The following CDC14B variants were observed in gnomAD, a reference collection of about 807,000 sequenced individuals.
CDC14B encodes the protein dual specificity protein phosphatase CDC14B.
A neutral mutation model predicts 64.2 loss-of-function variants in CDC14B; 22 were observed. The observed-to-expected ratio is 0.34, with a 90% CI of 0.24 to 0.49. CDC14B has a LOEUF of 0.49. Ranked by LOEUF, CDC14B falls within the 20% of genes least tolerant of loss-of-function variation. The pLI is 0.99. For missense variants in CDC14B, 498 were observed against 629.9 expected, an observed-to-expected ratio of 0.79 and a Z score of 2.24; for synonymous variants, 191 against 215.8, an observed-to-expected ratio of 0.89 and a Z score of 1.01.
intron 1 of CDC14B, among the ~76,000 whole-genome samples, chr9:96,592,664 T>G (rs1056265959): frequency 6.6e-6 from 1 of 152,050 alleles, no homozygotes; most frequent in Non-Finnish European, 1.5e-5. Context: ...TCCCAGCTAC[T>G]CAGGAGGCTG....
intron 4 of CDC14B, among the ~76,000 whole-genome samples, chr9:96,560,414 G>T (rs1241598104): frequency 6.6e-6 from 1 of 152,074 alleles, no homozygotes; most frequent in African/African-American, 2.4e-5. Context: ...TGAATCTCAA[G>T]AATTCTGGCT....
intron 4 of CDC14B, among the ~76,000 whole-genome samples, chr9:96,554,491 T>C (rs1241458257): frequency 6.6e-6 from 1 of 152,208 alleles, no homozygotes; most frequent in Non-Finnish European, 1.5e-5. Flanking sequence ...GGACTGTGGT[T>C]TAGCCTTGGA....
intron 1 of CDC14B, among the ~76,000 whole-genome samples, chr9:96,610,649 CAAAA>C (rs58120277): frequency 0.12 from 15,944 of 131,688 alleles, 975 homozygotes; most frequent in East Asian, 0.29. Flanking sequence ...TAAATGACCA[CAAAA>C]AAAAAAAAAC....
chr9:96,606,982 G>A (rs1846988836), intron 1 of CDC14B, among the ~76,000 whole-genome samples: 1 of 151,484 alleles, frequency 6.6e-6, no homozygotes, highest in Non-Finnish European at 1.5e-5. Context: ...TGCTATGATT[G>A]TGTCACTGCA....
chr9:96,593,915 T>C (rs1279042131), intron 1 of CDC14B, among the ~76,000 whole-genome samples: 2 of 152,230 alleles, frequency 1.3e-5, no homozygotes, highest in Non-Finnish European at 2.9e-5. Flanking sequence ...AAAGATAAAG[T>C]AACTCTCACC....
chr9:96,595,055 G>A (rs1277128150), intron 1 of CDC14B, among the ~76,000 whole-genome samples: 1 of 152,068 alleles, frequency 6.6e-6, no homozygotes, highest in Non-Finnish European at 1.5e-5. Context: ...GGAGGCTGAG[G>A]CAGAAGAATT....
intron 1 of CDC14B, among the ~76,000 whole-genome samples, chr9:96,580,758 A>C (rs1029015415): frequency 1.3e-5 from 2 of 152,206 alleles, no homozygotes; most frequent in Non-Finnish European, 2.9e-5. Flanking sequence ...TTAATATGGG[A>C]ATAATTAAAC....
intron 1 of CDC14B, among the ~76,000 whole-genome samples, chr9:96,608,902 C>G (rs908901436): frequency 6.6e-6 from 1 of 151,502 alleles, no homozygotes; most frequent in Non-Finnish European, 1.5e-5. Flanking sequence ...GACACACACA[C>G]ACACACACAC....
At chr9:96,582,877 T>C (rs1845236139) in intron 1 of CDC14B, among the ~76,000 whole-genome samples, 1 of 152,178 alleles carries the variant, frequency 6.6e-6, no homozygotes, top group Non-Finnish European at 1.5e-5. Flanking sequence ...CTCTTACTAA[T>C]TTTATATAAT....
chr9:96,496,952 G>A (rs1206235574), downstream of CDC14B, among the ~76,000 whole-genome samples: 1 of 152,272 alleles, frequency 6.6e-6, no homozygotes, highest in Admixed American at 6.5e-5. Context: ...GTGGCACCGA[G>A]TAGGCGGGTG....
intron 1 of CDC14B, among the ~76,000 whole-genome samples, chr9:96,604,160 C>T (rs1211750370): frequency 6.6e-6 from 1 of 151,966 alleles, no homozygotes; most frequent in African/African-American, 2.4e-5. Context: ...CCACATTCAC[C>T]GAAGTCAGGA....
intron 1 of CDC14B, among the ~76,000 whole-genome samples, chr9:96,574,903 A>G (rs1844713218): frequency 6.6e-6 from 1 of 152,184 alleles, no homozygotes; most frequent in South Asian, 2.1e-4. Context: ...ACAGAGTGAG[A>G]TAAGAAATGC....
In CDC14B at chr9:96,515,523, A is replaced by C. The variant is rs933694085; in HGVS notation, c.1344-5734T>G. On this transcript the variant is annotated intron_variant, in intron 12 of 13. Coordinates refer to ENST00000375241, the MANE Select transcript of CDC14B (RefSeq NM_033331.4). The surrounding 1 kb of genome is among the most constrained non-coding windows in gnomAD (Gnocchi z 4.3). ...ATCCCATTAATTGAAAAGATTCAGA[A>C]AAAGAACCTTTGAAAATAGGCAAAC... 4.2e-6 allele frequency: 4 copies of C among 959,064 alleles called. No homozygotes were observed. The highest frequency in any genetic ancestry group is 3.2e-5 in the Admixed American group (1 of 31,700). The allele number at this position is 959,064 out of a possible 1,614,324, so 59.4% of individuals were successfully genotyped here.
intron 1 of CDC14B, among the ~76,000 whole-genome samples, chr9:96,588,714 T>G (rs1278317180): frequency 6.6e-6 from 1 of 152,186 alleles, no homozygotes; most frequent in East Asian, 1.9e-4. Context: ...CTTGGACTCC[T>G]GGGCTCAAGT....
chr9:96,534,092 T>C lies in CDC14B; in HGVS notation c.781A>G (p.Ile261Val), dbSNP rs1838924700. ...TCATACATCCTTTTATTCAGACGAATAATGGTAGTAACATTGTGATTCTTA... is the reference window on the plus strand; with the variant it reads ...TCATACATCCTTTTATTCAGACGAACAATGGTAGTAACATTGTGATTCTTA... The part of the protein sequence containing the change: ...YFKNHNVTTI[I>V]RLNKRMYDAK... Residue 261 changes from isoleucine (I) to valine (V), a missense_variant, in exon 9 of 14, where the codon ATT (isoleucine) becomes GTT (valine). By Grantham distance (29) the Ile-to-Val change is conservative. Coordinates refer to ENST00000375241, the MANE Select transcript of CDC14B (RefSeq NM_033331.4). 1 of 1,612,466 alleles carries C rather than the reference T, an allele frequency of 6.2e-7. No individual in the cohort carries two copies. The highest frequency in any genetic ancestry group is 8.5e-7 in the Non-Finnish European group (1 of 1,178,826).
chr9:96,574,129 AGAGT>A (rs1414694429), intron 1 of CDC14B, among the ~76,000 whole-genome samples: 2 of 151,818 alleles, frequency 1.3e-5, no homozygotes, highest in Admixed American at 6.6e-5. Context: ...CTTGGGTGAC[AGAGT>A]GAGACTCCAT....
At chr9:96,595,654 C>G (rs1410823074) in intron 1 of CDC14B, among the ~76,000 whole-genome samples, 1 of 152,140 alleles carries the variant, frequency 6.6e-6, no homozygotes, top group Non-Finnish European at 1.5e-5. Context: ...CTGATACATA[C>G]TATAAAATAG....
chr9:96,559,417 C>G lies in CDC14B; in HGVS notation c.420+3276G>C, dbSNP rs1587965218. 2.0e-5 allele frequency among the ~76,000 whole-genome samples: 3 copies of G among 152,172 alleles called. No individual in the cohort carries two copies. The South Asian group carries it at 6.2e-4, about 32-fold the overall frequency. On this transcript the variant is annotated intron_variant, in intron 4 of 13. Transcript: ENST00000375241. Reference sequence around the variant, plus strand: ...AAAGAACCTTACTCTCTCCAAAATTCCTGACGACTCCAGAAAACGTTATCA... The same window carrying G: ...AAAGAACCTTACTCTCTCCAAAATTGCTGACGACTCCAGAAAACGTTATCA...
chr9:96,505,196 A>G (rs1319076803), intron 13 of CDC14B, among the ~76,000 whole-genome samples: 1 of 151,846 alleles, frequency 6.6e-6, no homozygotes, highest in Non-Finnish European at 1.5e-5. Flanking sequence ...AAAAAAAAAA[A>G]AAAAGATGCT....
Sources: gnomAD v4.1 joint callset for allele counts (sites outside exome capture counted in the v4.1 genomes callset) on GRCh38, gnomAD v4.1.1 for gene constraint, Gnocchi (gnomAD v3.1) non-coding constraint, MANE v1.5 for transcripts, NCBI Gene and HGNC (gene_info 2026-07-23, HGNC 2026-07-21) for gene names.